Variants in DGKB observed in about 807,000 individuals in gnomAD.
DGKB encodes diacylglycerol kinase beta.
Under a neutral mutation model 114.3 loss-of-function variants are expected in DGKB, and 67 were observed. The ratio of observed to expected loss-of-function variants is 0.59; its 90% CI spans 0.48 to 0.72. The LOEUF (loss-of-function observed/expected upper bound fraction) is 0.72. Among genes scored for constraint, DGKB ranks in the 30% least tolerant of loss-of-function variants. The probability of loss-of-function intolerance (pLI) is 0.00; values close to 1 mark genes in which losing one functional copy is unlikely to be tolerated. For synonymous variants in DGKB, 398 were observed against 323.1 expected (o/e 1.23, Z -2.49); for missense variants, 907 against 975.2 (o/e 0.93, Z 0.93).
intron 21 of DGKB, among the ~76,000 whole-genome samples, chr7:14,366,070 G>A (rs1297528207): frequency 1.3e-5 from 2 of 152,002 alleles, no homozygotes; most frequent in East Asian, 3.9e-4. Context: ...TCTGACTATA[G>A]TTGTATTTGC....
intron 20 of DGKB, among the ~76,000 whole-genome samples, chr7:14,495,379 C>G (rs905271849): frequency 1.8e-4 from 28 of 151,602 alleles, no homozygotes; most frequent in Admixed American, 4.6e-4. Context: ...CTATATAGCC[C>G]CTGCACAACA....
At chr7:14,495,637 C>T (rs959524033) in intron 20 of DGKB, among the ~76,000 whole-genome samples, 4 of 151,584 alleles carry the variant, frequency 2.6e-5, no homozygotes, top group African/African-American at 9.7e-5. Flanking sequence ...TATAAGGAGT[C>T]AGAACAGATG....
intron 21 of DGKB, among the ~76,000 whole-genome samples, chr7:14,471,255 G>A (rs114666034): frequency 0.6 from 4,389 of 7,268 alleles, 1,068 homozygotes; most frequent in African/African-American, 0.66. Flanking sequence ...ATACATATAT[G>A]TGTATGGAAT....
chr7:14,797,164 G>A lies in DGKB; in HGVS notation c.71-39433C>T, dbSNP rs527399199. On this transcript the variant is annotated intron_variant, in intron 2 of 25. Coordinates refer to ENST00000402815, the MANE Select transcript of DGKB (RefSeq NM_001350709.2). The stretch of plus-strand genomic sequence containing the variant: ...CATGATCTTTTTGAAGTCTTCTTGT[G>A]CAAGCAGCAAAGTTCTAGGTCAAGT... Among the ~76,000 whole-genome samples, 3 of 152,182 alleles carry A rather than the reference G, an allele frequency of 2.0e-5. No homozygotes were observed. The East Asian group carries it at 5.8e-4, about 29-fold the overall frequency.
chr7:14,461,647 C>G lies in DGKB; in HGVS notation c.1835+16514G>C, dbSNP rs139346852. Among the ~76,000 whole-genome samples, 483 of 152,108 alleles carry G rather than the reference C, an allele frequency of 3.2e-3. 2 individuals carry two copies. Among genetic ancestry groups the G allele is most frequent in the African/African-American group, 0.011 (451 of 41,514 alleles). The stretch of plus-strand genomic sequence containing the variant: ...AACCAAAAAAAAGCCTAGGACCAGA[C>G]AGATTCACAGCCGAATTCTACCAGA... On this transcript the variant is annotated intron_variant, in intron 21 of 25. Transcript: ENST00000402815.
At chr7:14,760,937 T>C (rs1333577530) in intron 2 of DGKB, among the ~76,000 whole-genome samples, 20 of 152,142 alleles carry the variant, frequency 1.3e-4, no homozygotes, top group Admixed American at 1.3e-3. Flanking sequence ...ATGAGCTAAA[T>C]TAACAGCCAA....
intron 1 of DGKB, among the ~76,000 whole-genome samples, chr7:14,932,448 T>C (rs1240510375): frequency 1.3e-5 from 2 of 152,188 alleles, no homozygotes; most frequent in African/African-American, 2.4e-5. Context: ...ATAAAGACTG[T>C]TTATCTTTAC....
intron 6 of DGKB, among the ~76,000 whole-genome samples, chr7:14,717,786 T>TAC (rs1340751080): frequency 2.0e-5 from 3 of 152,096 alleles, no homozygotes; most frequent in Non-Finnish European, 4.4e-5. Context: ...GGTTATTGAG[T>TAC]AAGCTGCCAG....
chr7:14,521,903 T>C (rs1240471046), intron 20 of DGKB, among the ~76,000 whole-genome samples: 1 of 152,196 alleles, frequency 6.6e-6, no homozygotes, highest in Non-Finnish European at 1.5e-5. Flanking sequence ...TCTTAAGATG[T>C]ATATTTTTTT....
rs373325016 is a variant in DGKB, at chr7:14,149,241, A to G, written c.2305-3T>C. On this transcript the variant is annotated splice_polypyrimidine_tract_variant and splice_region_variant and intron_variant, in intron 25 of 25. Coordinates refer to ENST00000402815, the MANE Select transcript of DGKB (RefSeq NM_001350709.2). ...TGGTTCTTGTGTGTAATTTTTATCTAGAAAAAAAGAGAGAGAGAGAGAGAG... is the reference window on the plus strand; with the variant it reads ...TGGTTCTTGTGTGTAATTTTTATCTGGAAAAAAAGAGAGAGAGAGAGAGAG... 8.7e-5 allele frequency: 139 copies of G among 1,602,040 alleles called. No individual in the cohort carries two copies. The highest frequency in any genetic ancestry group is 1.1e-4 in the Non-Finnish European group (127 of 1,170,554).
chr7:14,673,321 A>G lies in DGKB; in HGVS notation c.1036-294T>C, dbSNP rs115857175. ...ACCAAAGAACCCTGATTTCTTTGAC[A>G]AACACAAATTATTGTCCATTACAGT... On this transcript the variant is annotated intron_variant, in intron 12 of 25. Coordinates refer to ENST00000402815, the MANE Select transcript of DGKB (RefSeq NM_001350709.2). Among the ~76,000 whole-genome samples the G allele has an allele frequency of 7.9e-3, 1,202 of 152,066 alleles. 24 individuals are homozygous for G. Among genetic ancestry groups the G allele is most frequent in the African/African-American group, 0.028 (1,142 of 41,498 alleles).
intron 6 of DGKB, among the ~76,000 whole-genome samples, chr7:14,704,662 CT>C (rs1490079000): frequency 6.6e-6 from 1 of 152,110 alleles, no homozygotes; most frequent in Non-Finnish European, 1.5e-5. Context: ...TCCCTAACCC[CT>C]GACCCCTGAG....
intron 21 of DGKB, among the ~76,000 whole-genome samples, chr7:14,402,977 C>T (rs566986225): frequency 7.2e-5 from 11 of 151,868 alleles, no homozygotes; most frequent in African/African-American, 1.9e-4. Context: ...CTGCAGTTTT[C>T]GGACATTTCA....
At chr7:14,395,420 C>G (rs981573298) in intron 21 of DGKB, among the ~76,000 whole-genome samples, 1 of 151,618 alleles carries the variant, frequency 6.6e-6, no homozygotes, top group African/African-American at 2.4e-5. Flanking sequence ...ATAGATAAAC[C>G]TGTTACACAA....
intron 2 of DGKB, among the ~76,000 whole-genome samples, chr7:14,827,003 C>T (rs534258014): frequency 2.6e-4 from 39 of 152,100 alleles, no homozygotes; most frequent in Non-Finnish European, 5.0e-4. Context: ...CCTGAAGGTA[C>T]GTGATGCTAA....
chr7:14,364,931 A>G (rs1816400385), intron 21 of DGKB, among the ~76,000 whole-genome samples: 1 of 152,070 alleles, frequency 6.6e-6, no homozygotes, highest in Non-Finnish European at 1.5e-5. Flanking sequence ...GAAGGTCACC[A>G]TCTGCAAACG....
At position 14,488,219 on chromosome 7, in the gene DGKB, T is replaced by C. The variant is rs1278644891; in HGVS notation, c.1771-9994A>G. On this transcript the variant is annotated intron_variant, in intron 20 of 25. Coordinates refer to ENST00000402815, the MANE Select transcript of DGKB (RefSeq NM_001350709.2). ...TATGAAAAAAATTGACCTCAGAGAA[T>C]CTAGAGACAACTTCCAAGAAGAGAA... is the stretch of plus-strand genomic sequence containing the variant. 3.3e-5 allele frequency among the ~76,000 whole-genome samples: 5 copies of C among 152,136 alleles called. No homozygotes were observed. In the East Asian group the frequency reaches 9.6e-4, roughly 29 times the overall value.
chr7:14,362,604 C>T (rs1815953431), intron 21 of DGKB, among the ~76,000 whole-genome samples: 1 of 151,678 alleles, frequency 6.6e-6, no homozygotes, highest in Non-Finnish European at 1.5e-5. Context: ...TAATATACCA[C>T]TCTCTCCACC....
At chr7:14,184,138 C>G (rs986149150) in intron 23 of DGKB, among the ~76,000 whole-genome samples, 6 of 152,174 alleles carry the variant, frequency 3.9e-5, no homozygotes, top group African/African-American at 1.4e-4. Context: ...GCCCTGGGAG[C>G]TCCTGGAGTC....
Sources: allele counts gnomAD v4.1 joint callset (sites outside exome capture counted in the v4.1 genomes callset), GRCh38; gene constraint gnomAD v4.1.1; transcripts MANE v1.5; gene names NCBI Gene and HGNC (gene_info 2026-07-23, HGNC 2026-07-21).